STX5: variants seen among roughly 807,000 people sequenced by gnomAD.
STX5 encodes the protein syntaxin-5.
STX5 carries 15 observed loss-of-function variants against 42.9 expected under a neutral mutation model. That is an observed-to-expected ratio of 0.35 (90% CI 0.23 to 0.54). STX5 has a LOEUF of 0.54. STX5 is among the 20% of genes least tolerant of loss of function. The pLI, the probability that STX5 is intolerant of heterozygous loss-of-function variation, is 0.91. For missense variants in STX5, 430 were observed against 455.0 expected, an observed-to-expected ratio of 0.95 and a Z score of 0.50; for synonymous variants, 184 against 173.2, an observed-to-expected ratio of 1.06 and a Z score of -0.49.
intron 2 of STX5, 128 bp downstream of exon 2, chr11:62,830,891 G>T: frequency 1.1e-6 from 1 of 891,720 alleles, no homozygotes; most frequent in African/African-American, 1.7e-5. Flanking sequence ...AGACCCTACA[G>T]GCCCCATCCA....
Position 62,832,021 on chromosome 11 carries a change from C to T in STX5, c.-87G>A. Reference sequence around the variant, plus strand: ...CGGCCGTCACTGCCTCCTCCCCGAGCACTGAAGCCGCCGAAACCCGACCAA... The same window carrying T: ...CGGCCGTCACTGCCTCCTCCCCGAGTACTGAAGCCGCCGAAACCCGACCAA... On this transcript the variant is annotated 5_prime_UTR_variant, in exon 1 of 11. Transcript: ENST00000294179. 1 of 477,114 alleles carries T rather than the reference C, an allele frequency of 2.1e-6. No homozygotes were observed. Among genetic ancestry groups the T allele is most frequent in the Non-Finnish European group, 4.1e-6 (1 of 241,428 alleles). 29.6% of individuals were successfully genotyped at this position (477,114 alleles called of 1,614,324 possible).
intron 7 of STX5, 76 bp downstream of exon 7, chr11:62,825,207 G>T: frequency 6.2e-7 from 1 of 1,611,370 alleles, no homozygotes; most frequent in Non-Finnish European, 8.5e-7. Context: ...TGACCCTGTA[G>T]AACTTGTCCC....
In STX5 at chr11:62,825,107, T is replaced by C. The variant is rs1411674475; in HGVS notation, c.608A>G (p.Gln203Arg). Residue 203 changes from glutamine to arginine, a missense_variant, in exon 8 of 11, where the codon CAG (glutamine) becomes CGG (arginine). By Grantham distance (43) the Gln-to-Arg change is conservative. Coordinates refer to ENST00000294179, the MANE Select transcript of STX5 (RefSeq NM_003164.5). ...VLEVRTENLKQQRSRREQFSR... is the reference protein window; with the variant it reads ...VLEVRTENLKRQRSRREQFSR... ...GAACTGCTCTCTCCGGCTCCTCTGC[T>C]GCTTCAGGTTCTGGGGTTGGGGAAA... 5 of 1,613,504 alleles carry C rather than the reference T, an allele frequency of 3.1e-6. No homozygotes were observed. Among genetic ancestry groups the C allele is most frequent in the Non-Finnish European group, 4.2e-6 (5 of 1,180,022 alleles).
At chr11:62,828,091 A>C (rs901972912) in intron 2 of STX5, among the ~76,000 whole-genome samples, 5 of 151,228 alleles carry the variant, frequency 3.3e-5, no homozygotes, top group Admixed American at 2.7e-4. Flanking sequence ...GAGCAGCTTT[A>C]CCATGAGCTG....
chr11:62,809,408 C>A (rs539035544), intron 10 of STX5, among the ~76,000 whole-genome samples: 1 of 151,620 alleles, frequency 6.6e-6, no homozygotes, highest in Non-Finnish European at 1.5e-5. Flanking sequence ...GGCGTGGTGG[C>A]TCACACCTGT....
chr11:62,829,306 C>T (rs1245873045), intron 2 of STX5, among the ~76,000 whole-genome samples: 3 of 151,990 alleles, frequency 2.0e-5, no homozygotes, highest in Admixed American at 2.0e-4. Flanking sequence ...TGTCTGTAAT[C>T]CCAGCTACTT....
intron 10 of STX5, among the ~76,000 whole-genome samples, chr11:62,808,415 G>C (rs2084577036): frequency 6.9e-6 from 1 of 145,766 alleles, no homozygotes; most frequent in Non-Finnish European, 1.5e-5. Context: ...GGGTGACATA[G>C]CAAGACTGCC....
intron 10 of STX5, among the ~76,000 whole-genome samples, chr11:62,814,277 T>G (rs2084648802): frequency 6.6e-6 from 1 of 152,162 alleles, no homozygotes; most frequent in Non-Finnish European, 1.5e-5. Flanking sequence ...GTGATTTTAG[T>G]GCCTCAGCCT....
At chr11:62,818,143 G>T (rs1025479215) in intron 10 of STX5, among the ~76,000 whole-genome samples, 1 of 151,292 alleles carries the variant, frequency 6.6e-6, no homozygotes, top group Non-Finnish European at 1.5e-5. Context: ...TACTCAGGAG[G>T]CTGAGGCAGG....
chr11:62,825,263 C>T lies in STX5; in HGVS notation c.597+20G>A. The T allele has an allele frequency of 1.2e-6, 2 of 1,614,028 alleles. No individual in the cohort carries two copies. Among genetic ancestry groups the T allele is most frequent in the South Asian group, 1.1e-5 (1 of 91,068 alleles). On this transcript the variant is annotated intron_variant, in intron 7 of 10. Coordinates refer to ENST00000294179, the MANE Select transcript of STX5 (RefSeq NM_003164.5). Reference sequence around the variant, plus strand: ...TCTTTACTCCCATATTCCTACCCCTCCTACGCAGATTGTTCTCACCTCTGT... The same window carrying T: ...TCTTTACTCCCATATTCCTACCCCTTCTACGCAGATTGTTCTCACCTCTGT...
chr11:62,824,120 G>C, intron 10 of STX5, 46 bp downstream of exon 10: 1 of 1,613,226 alleles, frequency 6.2e-7, no homozygotes, highest in Non-Finnish European at 8.5e-7. Flanking sequence ...GCCAATCCAC[G>C]GGGAAGAGAA....
chr11:62,830,485 T>C (rs1012442860), intron 2 of STX5: 2 of 454,854 alleles, frequency 4.4e-6, no homozygotes, highest in African/African-American at 4.0e-5. Context: ...AGTTCAAGAC[T>C]GCAAGTGAGC....
chr11:62,807,334 G>GT lies in STX5; in HGVS notation c.*134dup. 7.3e-7 allele frequency: 1 copy of GT among 1,371,522 alleles called. No individual in the cohort carries two copies. The highest frequency in any genetic ancestry group is 2.5e-5 in the East Asian group (1 of 39,474). The allele number at this position is 1,371,522 out of a possible 1,614,324, so 85.0% of individuals were successfully genotyped here. A position where few individuals can be genotyped will look rare whatever the true frequency, so the allele number is the denominator to read the frequency against. On this transcript the variant is annotated 3_prime_UTR_variant, in exon 11 of 11. Transcript: ENST00000294179. Reference sequence around the variant, plus strand: ...GGCAAGGGGTGGGGGATCAGGGGCAGTGGTCATTCTTAGCAGTTCCAGGGA... The same window carrying GT: ...GGCAAGGGGTGGGGGATCAGGGGCAGTTGGTCATTCTTAGCAGTTCCAGGGA...
chr11:62,831,686 C>G lies in STX5; in HGVS notation c.-20+268G>C, dbSNP rs572413218. Reference sequence around the variant, plus strand: ...ACTTCGGTGGGCGGAGGGGGAAAACCTCTGGGTGTTTATTTGAAACAGGAA... The same window carrying G: ...ACTTCGGTGGGCGGAGGGGGAAAACGTCTGGGTGTTTATTTGAAACAGGAA... On this transcript the variant is annotated intron_variant, in intron 1 of 10. Coordinates refer to ENST00000294179, the MANE Select transcript of STX5 (RefSeq NM_003164.5). 2.2e-3 allele frequency among the ~76,000 whole-genome samples: 336 copies of G among 152,238 alleles called. 4 individuals carry two copies. Among genetic ancestry groups the G allele is most frequent in the African/African-American group, 7.7e-3 (321 of 41,540 alleles).
chr11:62,807,336 G>T lies in STX5; in HGVS notation c.*133C>A. ...CAAGGGGTGGGGGATCAGGGGCAGT[G>T]GTCATTCTTAGCAGTTCCAGGGAAA... On this transcript the variant is annotated 3_prime_UTR_variant, in exon 11 of 11. Transcript: ENST00000294179. The T allele has an allele frequency of 7.2e-7, 1 of 1,381,128 alleles. No homozygotes were observed. Among genetic ancestry groups the T allele is most frequent in the East Asian group, 2.5e-5 (1 of 39,518 alleles). 85.6% of individuals were successfully genotyped at this position (1,381,128 alleles called of 1,614,324 possible). A position where few individuals can be genotyped will look rare whatever the true frequency, so the allele number is the denominator to read the frequency against.
intron 10 of STX5, among the ~76,000 whole-genome samples, chr11:62,816,584 T>G (rs1228726357): frequency 6.6e-6 from 1 of 151,744 alleles, no homozygotes; most frequent in Non-Finnish European, 1.5e-5. Flanking sequence ...ATTTTCATAG[T>G]AAAAAAACGA....
intron 2 of STX5, among the ~76,000 whole-genome samples, chr11:62,828,537 T>C (rs1225380111): frequency 6.8e-6 from 1 of 147,514 alleles, no homozygotes; most frequent in East Asian, 2.1e-4. Context: ...CCAACCTGGC[T>C]AACATGGTGA....
At chr11:62,808,432 GGA>G (rs2084577326) in intron 10 of STX5, among the ~76,000 whole-genome samples, 1 of 142,148 alleles carries the variant, frequency 7.0e-6, no homozygotes, top group African/African-American at 2.7e-5. Context: ...TGCCTCAGGG[GGA>G]AAAAAAAAAA....
chr11:62,831,325 C>T (rs936415437), intron 1 of STX5, 63 bp from the exon 2 acceptor site: 1 of 1,196,680 alleles, frequency 8.4e-7, no homozygotes, highest in Admixed American at 2.0e-5. Context: ...CCCCGCCCCA[C>T]CCCAATCAAC....
Sources: gnomAD v4.1 joint callset for allele counts (sites outside exome capture counted in the v4.1 genomes callset) on GRCh38, gnomAD v4.1.1 for gene constraint, MANE v1.5 for transcripts, NCBI Gene and HGNC (gene_info 2026-07-23, HGNC 2026-07-21) for gene names.